Variants in CLTC observed in about 807,000 individuals in gnomAD.
The protein encoded by CLTC is clathrin heavy chain.
In CLTC, 16 loss-of-function variants were observed where a neutral mutation model predicts 195.8. The ratio of observed to expected loss-of-function variants is 0.08; its 90% CI spans 0.06 to 0.12. The LOEUF is 0.12. Ranked by LOEUF, CLTC falls within the 10% of genes least tolerant of loss-of-function variation. CLTC has a pLI of 1.00. For synonymous variants in CLTC, 667 were observed against 689.4 expected (o/e 0.97, Z 0.51); for missense variants, 796 against 2,027.0 (o/e 0.39, Z 11.66).
At position 59,655,838 on chromosome 17, in the gene CLTC, G is replaced by A; in HGVS notation, c.796-16G>A. The A allele has an allele frequency of 6.6e-7, 1 of 1,512,130 alleles. No homozygotes were observed. The allele number at this position is 1,512,130 out of a possible 1,614,324, so 93.7% of individuals were successfully genotyped here. ...AGATTCATTATTTTACTAAAGTGTT[G>A]ATTTTCTTTCTGTAGATCAGTGAAA... On this transcript the variant is annotated splice_polypyrimidine_tract_variant and intron_variant, in intron 5 of 31. Transcript: ENST00000269122.
intron 1 of CLTC, among the ~76,000 whole-genome samples, chr17:59,622,436 G>A (rs2031410077): frequency 6.6e-6 from 1 of 152,062 alleles, no homozygotes; most frequent in Non-Finnish European, 1.5e-5. Flanking sequence ...GGAGGTCAGT[G>A]GCACCATCAC....
chr17:59,663,744 C>T, intron 8 of CLTC, 98 bp from the exon 9 acceptor site: 1 of 985,928 alleles, frequency 1.0e-6, no homozygotes, highest in South Asian at 1.7e-5. Flanking sequence ...AACTAAGTAC[C>T]TTTCATACTA....
At position 59,636,134 on chromosome 17, in the gene CLTC, C is replaced by CA. The variant is rs540301346; in HGVS notation, c.43-8128dup. 8.7e-3 allele frequency among the ~76,000 whole-genome samples: 954 copies of CA among 109,052 alleles called. 6 individuals carry two copies. The highest frequency in any genetic ancestry group is 0.046 in the South Asian group (154 of 3,376). The allele number at this position is 109,052 out of a possible 152,430, so 71.5% of individuals were successfully genotyped here. On this transcript the variant is annotated intron_variant, in intron 1 of 31. Coordinates refer to ENST00000269122, the MANE Select transcript of CLTC (RefSeq NM_004859.4). ...GGGCAACAAGAGCGAAACTACGTCT[C>CA]AAAAAAAAAAAAAACAGTCTATATC...
At chr17:59,636,836 C>T (rs2031873645) in intron 1 of CLTC, among the ~76,000 whole-genome samples, 1 of 152,072 alleles carries the variant, frequency 6.6e-6, no homozygotes, top group African/African-American at 2.4e-5. Context: ...GATCTTGGCT[C>T]ACTGCAGCCT....
intron 1 of CLTC, among the ~76,000 whole-genome samples, chr17:59,629,642 T>A (rs1286893602): frequency 6.7e-6 from 1 of 149,518 alleles, no homozygotes; most frequent in Non-Finnish European, 1.5e-5. Flanking sequence ...TGCCTAAGCC[T>A]CCCAAGTAGC....
Position 59,681,196 on chromosome 17 carries a change from C to T in CLTC, c.3066-99C>T. On this transcript the variant is annotated intron_variant, in intron 19 of 31. Coordinates refer to ENST00000269122, the MANE Select transcript of CLTC (RefSeq NM_004859.4). This position sits in a 1 kb window ranked among gnomAD's most constrained non-coding sequence, Gnocchi z 5.0. The stretch of plus-strand genomic sequence containing the variant: ...TTCTAATATCCTCCCCCCTACCCTA[C>T]CTCTTGAGACAAAAACCTCTCCGTT... 3 of 1,448,424 alleles carry T rather than the reference C, an allele frequency of 2.1e-6. No individual in the cohort carries two copies. The highest frequency in any genetic ancestry group is 2.8e-6 in the Non-Finnish European group (3 of 1,065,054). The allele number at this position is 1,448,424 out of a possible 1,614,324, so 89.7% of individuals were successfully genotyped here. A position where few individuals can be genotyped will look rare whatever the true frequency, so the allele number is the denominator to read the frequency against.
chr17:59,696,323 C>T lies in CLTC; in HGVS notation c.*2471C>T, dbSNP rs889234776. 2 of 220,990 alleles carry T rather than the reference C, an allele frequency of 9.1e-6. No homozygotes were observed. Among genetic ancestry groups the T allele is most frequent in the Admixed American group, 5.7e-5 (1 of 17,408 alleles). The allele number at this position is 220,990 out of a possible 1,614,324, so 13.7% of individuals were successfully genotyped here. On this transcript the variant is annotated 3_prime_UTR_variant, in exon 32 of 32. Coordinates refer to ENST00000269122, the MANE Select transcript of CLTC (RefSeq NM_004859.4). ...CAAATATTAGAAATTTCAAGGCTGT[C>T]TTTAGTGTTCTGCCCACAATACTCC...
At chr17:59,667,823 AT>A (rs1029839272) in intron 13 of CLTC, among the ~76,000 whole-genome samples, 1 of 152,208 alleles carries the variant, frequency 6.6e-6, no homozygotes, top group African/African-American at 2.4e-5. Context: ...TACTAACGTA[AT>A]CACTGTTGGG....
At chr17:59,663,523 T>C (rs769352010) in intron 8 of CLTC, among the ~76,000 whole-genome samples, 1 of 152,226 alleles carries the variant, frequency 6.6e-6, no homozygotes, top group Non-Finnish European at 1.5e-5. Flanking sequence ...CTGAATATTC[T>C]TAGTAGCTAG....
rs375413515 is a variant in CLTC, at chr17:59,661,401, C to A, written c.1168-42C>A. 4.0e-6 allele frequency: 6 copies of A among 1,509,476 alleles called. No homozygotes were observed. The South Asian group carries it at 6.8e-5, about 17-fold the overall frequency. The allele number at this position is 1,509,476 out of a possible 1,614,324, so 93.5% of individuals were successfully genotyped here. ...CGAAGAGCGTTTAACATTTCTCCTT[C>A]TTACACTTTCGAAGAGCGTTTAACA... On this transcript the variant is annotated intron_variant, in intron 7 of 31. Coordinates refer to ENST00000269122, the MANE Select transcript of CLTC (RefSeq NM_004859.4).
At chr17:59,634,176 T>G (rs757714069) in intron 1 of CLTC, among the ~76,000 whole-genome samples, 5 of 152,198 alleles carry the variant, frequency 3.3e-5, no homozygotes, top group Admixed American at 2.0e-4. Flanking sequence ...GCAAAAGTGC[T>G]GGGATTACAG....
chr17:59,658,798 A>G (rs976666562), intron 6 of CLTC: 9 of 152,208 alleles, frequency 5.9e-5, no homozygotes, highest in African/African-American at 2.2e-4. Flanking sequence ...ATGTGGGGAA[A>G]CCTAAGGTAA....
At position 59,691,831 on chromosome 17, in the gene CLTC, T is replaced by C. The variant is rs1005233127; in HGVS notation, c.4903+1120T>C. 6.6e-5 allele frequency among the ~76,000 whole-genome samples: 10 copies of C among 151,550 alleles called. No individual in the cohort carries two copies. In the South Asian group the frequency reaches 1.9e-3, roughly 28 times the overall value. On this transcript the variant is annotated intron_variant, in intron 31 of 31. Transcript: ENST00000269122. ...AGCAAGATGTTTGACATGTTTGAGA[T>C]AGGAAACACATCAAGTCCTTAAAGG...
chr17:59,644,205 T>C, intron 1 of CLTC, 71 bp from the exon 2 acceptor site: 3 of 1,184,096 alleles, frequency 2.5e-6, no homozygotes, highest in Non-Finnish European at 3.7e-6. Context: ...AGGATTTGTG[T>C]TGATGAGCAT....
rs141981450 is a variant in CLTC, at chr17:59,648,554, A to T, written c.681+153A>T. The T allele has an allele frequency of 3.0e-6, 2 of 673,314 alleles. No homozygotes were observed. Among genetic ancestry groups the T allele is most frequent in the Non-Finnish European group, 5.0e-6 (2 of 399,330 alleles). 41.7% of individuals were successfully genotyped at this position (673,314 alleles called of 1,614,324 possible). A position where few individuals can be genotyped will look rare whatever the true frequency, so the allele number is the denominator to read the frequency against. On this transcript the variant is annotated intron_variant, in intron 4 of 31. Coordinates refer to ENST00000269122, the MANE Select transcript of CLTC (RefSeq NM_004859.4). This position sits in a 1 kb window ranked among gnomAD's most constrained non-coding sequence, Gnocchi z 4.5. ...CTTAATTTGTTCAAATTTTGCATCT[A>T]GTGATACTTGTCTAAAATGAATAAT...
At position 59,648,345 on chromosome 17, in the gene CLTC, A is replaced by G; in HGVS notation, c.625A>G (p.Asn209Asp). Residue 209 changes from asparagine (N) to aspartate (D), a missense_variant, in exon 4 of 32, where the codon AAT (asparagine) becomes GAT (aspartate). Around this residue, in one of 9 missense-constraint regions of CLTC, gnomAD observed 293 missense variants for 795.6 expected, o/e 0.37. Transcript: ENST00000269122. The surrounding 1 kb of genome is among the most constrained non-coding windows in gnomAD (Gnocchi z 4.5). ...ASFAQFKMEG[N>D]AEESTLFCFA... ...CTTTGCACAGTTTAAGATGGAAGGA[A>G]ATGCAGAAGAATCAACGTTATTTTG... 6.2e-7 allele frequency: 1 copy of G among 1,614,148 alleles called. No homozygotes were observed. The highest frequency in any genetic ancestry group is 8.5e-7 in the Non-Finnish European group (1 of 1,179,988).
chr17:59,644,531 T>A, intron 2 of CLTC, 48 bp downstream of exon 2: 1 of 1,343,392 alleles, frequency 7.4e-7, no homozygotes, highest in South Asian at 1.3e-5. Context: ...ATGTTTTTGT[T>A]TTTTTTTGTT....
At chr17:59,639,920 C>T (rs2031980957) in intron 1 of CLTC, among the ~76,000 whole-genome samples, 1 of 151,876 alleles carries the variant, frequency 6.6e-6, no homozygotes, top group African/African-American at 2.4e-5. Context: ...TACCACTGCA[C>T]TCCAGCCTGG....
Position 59,681,510 on chromosome 17 carries a change from TA to T in CLTC, c.3249+35del. ...CTTCAGATTACCTAAGTTGAATTAC[TA>T]AACACTGTGCTATGAGGGTGGGCCT... On this transcript the variant is annotated intron_variant, in intron 20 of 31. Transcript: ENST00000269122. The surrounding 1 kb of genome is among the most constrained non-coding windows in gnomAD (Gnocchi z 5.0). 1 of 1,609,644 alleles carries T rather than the reference TA, an allele frequency of 6.2e-7. No individual in the cohort carries two copies. Among genetic ancestry groups the T allele is most frequent in the Non-Finnish European group, 8.5e-7 (1 of 1,176,608 alleles).
Sources: allele counts gnomAD v4.1 joint callset (sites outside exome capture counted in the v4.1 genomes callset), GRCh38; gene constraint gnomAD v4.1.1; regional missense constraint gnomAD v4.1.1; non-coding constraint Gnocchi (gnomAD v3.1); transcripts MANE v1.5; gene names NCBI Gene and HGNC (gene_info 2026-07-23, HGNC 2026-07-21).